Variants in TPP2 observed in about 807,000 individuals in gnomAD.
The protein encoded by TPP2 is tripeptidyl peptidase 2.
Under a neutral mutation model 155.9 loss-of-function variants are expected in TPP2, and 34 were observed. The ratio of observed to expected loss-of-function variants is 0.22; its 90% CI spans 0.17 to 0.29. The LOEUF (loss-of-function observed/expected upper bound fraction) is 0.29. Ranked by LOEUF, TPP2 falls within the 10% of genes least tolerant of loss-of-function variation. The pLI, the probability that TPP2 is intolerant of heterozygous loss-of-function variation, is 1.00. For synonymous variants in TPP2, 510 were observed against 529.4 expected, an observed-to-expected ratio of 0.96 and a Z score of 0.50; for missense variants, 1,028 against 1,522.3, an observed-to-expected ratio of 0.68 and a Z score of 5.40.
intron 10 of TPP2, among the ~76,000 whole-genome samples, chr13:102,632,101 A>C (rs1477914959): frequency 6.6e-6 from 1 of 152,194 alleles, no homozygotes; most frequent in Non-Finnish European, 1.5e-5. Flanking sequence ...TAAAAATATA[A>C]AATTTAGCTG....
chr13:102,661,194 T>A (rs748319123), intron 25 of TPP2, among the ~76,000 whole-genome samples: 1 of 151,924 alleles, frequency 6.6e-6, no homozygotes, highest in Non-Finnish European at 1.5e-5. Context: ...AACGGCCTAT[T>A]TGCAAGTTAC....
chr13:102,666,367 G>A (rs1049457756), intron 27 of TPP2, among the ~76,000 whole-genome samples: 8 of 152,126 alleles, frequency 5.3e-5, no homozygotes, highest in East Asian at 1.9e-4. Flanking sequence ...AAGGAGCATC[G>A]TCTGCCTCCC....
In TPP2 at chr13:102,679,923, T is replaced by C; in HGVS notation, c.*1607T>C. The stretch of plus-strand genomic sequence containing the variant: ...GGCCCTTTAACCCAAACTGGACTGC[T>C]GCCTGTTTTTGTAAATAAAGTTTTA... On this transcript the variant is annotated 3_prime_UTR_variant, in exon 30 of 30. Transcript: ENST00000376052. 1 of 152,212 alleles carries C rather than the reference T, an allele frequency of 6.6e-6. No individual in the cohort carries two copies. Among genetic ancestry groups the C allele is most frequent in the African/African-American group, 2.4e-5 (1 of 41,456 alleles). 9.4% of individuals were successfully genotyped at this position (152,212 alleles called of 1,614,324 possible). A position where few individuals can be genotyped will look rare whatever the true frequency, so the allele number is the denominator to read the frequency against.
intron 25 of TPP2, among the ~76,000 whole-genome samples, chr13:102,659,619 T>A (rs1310992237): frequency 1.3e-5 from 2 of 152,168 alleles, no homozygotes; most frequent in Non-Finnish European, 2.9e-5. Flanking sequence ...AAACTGTCCT[T>A]TAAAAATGAA....
chr13:102,606,679 C>T (rs74425886), intron 2 of TPP2, among the ~76,000 whole-genome samples: 5,800 of 152,258 alleles, frequency 0.038, 164 homozygotes, highest in Non-Finnish European at 0.054. Context: ...CTGCAAAATC[C>T]CTACACCTTC....
chr13:102,640,203 A>G (rs1882660849), intron 15 of TPP2, 67 bp from the exon 16 acceptor site: 4 of 1,214,814 alleles, frequency 3.3e-6, no homozygotes, highest in Non-Finnish European at 3.4e-6. Flanking sequence ...CGTTTATCCA[A>G]TGAAATCTAG....
chr13:102,626,293 C>A (rs1881619175), intron 6 of TPP2, among the ~76,000 whole-genome samples: 1 of 152,072 alleles, frequency 6.6e-6, no homozygotes, highest in Non-Finnish European at 1.5e-5. Context: ...TATGTGACTT[C>A]TTTAGTTCAG....
chr13:102,673,166 C>T (rs183697940), intron 27 of TPP2, among the ~76,000 whole-genome samples: 4 of 152,308 alleles, frequency 2.6e-5, no homozygotes, highest in South Asian at 2.1e-4. Context: ...TGCCATGCGG[C>T]CTCTTAGATT....
chr13:102,604,390 G>A (rs1445361587), intron 1 of TPP2, among the ~76,000 whole-genome samples: 1 of 151,976 alleles, frequency 6.6e-6, no homozygotes, highest in Non-Finnish European at 1.5e-5. Context: ...CATCTGACAT[G>A]TTCTTTTTTT....
At chr13:102,669,718 G>C (rs601649) in intron 27 of TPP2, among the ~76,000 whole-genome samples, 123,737 of 152,082 alleles carry the variant, frequency 0.81, 50,804 homozygotes, top group African/African-American at 0.9. Flanking sequence ...AGATAAATTT[G>C]TCCAATTTTG....
intron 25 of TPP2, among the ~76,000 whole-genome samples, chr13:102,657,451 A>G (rs1277211619): frequency 6.6e-6 from 1 of 151,808 alleles, no homozygotes; most frequent in Non-Finnish European, 1.5e-5. Flanking sequence ...CTTGGAAGAT[A>G]ATTTTATTGG....
At chr13:102,619,044 C>A (rs1439408290) in intron 5 of TPP2, among the ~76,000 whole-genome samples, 198 bp downstream of exon 5, 2 of 152,114 alleles carry the variant, frequency 1.3e-5, no homozygotes, top group African/African-American at 4.8e-5. Flanking sequence ...TGACACTAAA[C>A]CTGACTTTTA....
chr13:102,663,587 G>A, intron 25 of TPP2, 61 bp from the exon 26 acceptor site: 2 of 1,171,974 alleles, frequency 1.7e-6, no homozygotes, highest in Non-Finnish European at 2.3e-6. Context: ...AAATAATAGA[G>A]AAGACAAATA....
chr13:102,598,339 C>T (rs1384029077), intron 1 of TPP2, among the ~76,000 whole-genome samples: 2 of 152,146 alleles, frequency 1.3e-5, no homozygotes, highest in African/African-American at 4.8e-5. Flanking sequence ...CTTCTGGATC[C>T]TTTATCGTGC....
chr13:102,655,133 G>A (rs672129), intron 24 of TPP2: 265,999 of 454,310 alleles, frequency 0.59, 80,743 homozygotes, highest in African/African-American at 0.86. Flanking sequence ...ATGAGTCAGT[G>A]TGGAGATAGG....
intron 13 of TPP2, 39 bp downstream of exon 13, chr13:102,636,431 T>G (rs1487523620): frequency 6.3e-7 from 1 of 1,583,782 alleles, no homozygotes. Context: ...GTATTCACAT[T>G]TGCTGTTTGA....
chr13:102,623,032 C>G lies in TPP2; in HGVS notation c.776C>G (p.Thr259Ser). 6.2e-7 allele frequency: 1 copy of G among 1,611,758 alleles called. No individual in the cohort carries two copies. The highest frequency in any genetic ancestry group is 8.5e-7 in the Non-Finnish European group (1 of 1,179,310). The change falls in exon 6 of 30, where the codon ACC becomes AGC. Residue 259 changes from threonine to serine, a missense_variant. Transcript: ENST00000376052. ...YDDGNLLSIVTSGGAHGTHVA... is the reference protein window; with the variant it reads ...YDDGNLLSIVSSGGAHGTHVA... ...GATGGAAACCTGCTCTCCATTGTGA[C>G]CAGTGGAGGTATCCCATTTCAGATT... is the stretch of plus-strand genomic sequence containing the variant.
At chr13:102,665,845 A>G (rs1300406353) in intron 27 of TPP2, among the ~76,000 whole-genome samples, 3 of 152,184 alleles carry the variant, frequency 2.0e-5, no homozygotes, top group Non-Finnish European at 2.9e-5. Context: ...AAATACTTGG[A>G]TTCCAAACTG....
In TPP2 at chr13:102,627,083, G is replaced by A. The variant is rs1422261409; in HGVS notation, c.856G>A (p.Ala286Thr). Residue 286 changes from alanine to threonine, a missense_variant, in exon 7 of 30, where the codon GCT becomes ACT. Physicochemically the swap from Ala to Thr is moderately conservative, Grantham distance 58 (BLOSUM62 0). Transcript: ENST00000376052. Reference protein sequence around the residue: ...FPEEPERNGVAPGAQILSIKI... With the variant: ...FPEEPERNGVTPGAQILSIKI... ...AGAAGAACCTGAACGGAATGGGGTA[G>A]CTCCTGGTGCTCAAATTCTTTCCAT... 6.3e-7 allele frequency: 1 copy of A among 1,599,578 alleles called. No individual in the cohort carries two copies.
Sources: gnomAD v4.1 joint callset for allele counts (sites outside exome capture counted in the v4.1 genomes callset) on GRCh38, gnomAD v4.1.1 for gene constraint, MANE v1.5 for transcripts, NCBI Gene and HGNC (gene_info 2026-07-23, HGNC 2026-07-21) for gene names.